Variants in SHANK1 observed in about 807,000 individuals in gnomAD.
SHANK1 encodes the protein SH3 and multiple ankyrin repeat domains protein 1.
SHANK1 carries 35 observed loss-of-function variants against 165.6 expected under a neutral mutation model. The observed-to-expected ratio is 0.21, with a 90% confidence interval of 0.16 to 0.28. The LOEUF is 0.28. Among genes scored for constraint, SHANK1 ranks in the 10% least tolerant of loss-of-function variants. The pLI is 1.00. For missense variants in SHANK1, 2,681 were observed against 3,036.4 expected, an observed-to-expected ratio of 0.88 and a Z score of 2.75; for synonymous variants, 1,428 against 1,384.8, an observed-to-expected ratio of 1.03 and a Z score of -0.69.
At chr19:50,683,544 C>A (rs1986241141) in intron 21 of SHANK1, among the ~76,000 whole-genome samples, 1 of 152,166 alleles carries the variant, frequency 6.6e-6, no homozygotes, top group African/African-American at 2.4e-5. Context: ...ACATCACGGC[C>A]TTCTCGCACT....
intron 12 of SHANK1, among the ~76,000 whole-genome samples, chr19:50,700,330 C>G: frequency 7.4e-6 from 1 of 135,150 alleles, no homozygotes; most frequent in Non-Finnish European, 1.6e-5. Context: ...TTGAAGGGCT[C>G]GGGGCATTGG....
chr19:50,668,216 A>T lies in SHANK1; in HGVS notation c.3744T>A (p.Asn1248Lys). 6.7e-7 allele frequency: 1 copy of T among 1,497,310 alleles called. No individual in the cohort carries two copies. The highest frequency in any genetic ancestry group is 1.3e-5 in the South Asian group (1 of 77,512). The allele number at this position is 1,497,310 out of a possible 1,614,324, so 92.8% of individuals were successfully genotyped here. The change falls in exon 23 of 24, where the codon AAT becomes AAA. Residue 1248 changes from asparagine (N) to lysine (K), a missense_variant. Asn to Lys is a moderately conservative substitution (Grantham distance 94). Around this residue, in one of 10 missense-constraint regions of SHANK1, gnomAD observed 1,713 missense variants for 1,630.2 expected, o/e 1.05. Coordinates refer to ENST00000293441, the MANE Select transcript of SHANK1 (RefSeq NM_016148.5). ...ACAGCGTGGAGCGCCGGCGCGCCTC[A>T]TTCTGCCAGCCCCCCTCCCTCCGGG... is the stretch of plus-strand genomic sequence containing the variant. Reference protein sequence around the residue: ...GAARREGGWQNEARRRSTLFL... With the variant: ...GAARREGGWQKEARRRSTLFL...
chr19:50,675,973 G>A (rs879637108), intron 21 of SHANK1, among the ~76,000 whole-genome samples: 45 of 152,152 alleles, frequency 3.0e-4, no homozygotes, highest in African/African-American at 8.4e-4. Context: ...TCCAGCCTGG[G>A]TGACAGAGCA....
At chr19:50,698,296 T>G (rs947072462) in intron 12 of SHANK1, among the ~76,000 whole-genome samples, 2 of 152,176 alleles carry the variant, frequency 1.3e-5, no homozygotes, top group East Asian at 3.8e-4. Context: ...TCCTAGGCTC[T>G]GTGGACTTAG....
intron 18 of SHANK1, 103 bp from the exon 19 acceptor site, chr19:50,687,765 C>G (rs187329410): frequency 0.011 from 14,318 of 1,339,050 alleles, 84 homozygotes; most frequent in Non-Finnish European, 0.012. Flanking sequence ...CCATTGCCAG[C>G]GTGCGGAGCC....
In SHANK1 at chr19:50,711,496, G is replaced by T; in HGVS notation, c.961-9C>A. ...TGACCCCGCTGGCAGGCCTGGGCAG[G>T]ACAGGGAGCGAGGGGCATGGATCAG... On this transcript the variant is annotated splice_polypyrimidine_tract_variant and intron_variant, in intron 7 of 23. Transcript: ENST00000293441. The T allele has an allele frequency of 6.4e-7, 1 of 1,564,788 alleles. No homozygotes were observed. Among genetic ancestry groups the T allele is most frequent in the Non-Finnish European group, 8.7e-7 (1 of 1,153,720 alleles).
At chr19:50,710,937 T>A (rs1293815225) in intron 8 of SHANK1, 1 of 165,524 alleles carries the variant, frequency 6.0e-6, no homozygotes, top group Admixed American at 6.1e-5. Context: ...TCTTTTCTAC[T>A]CCTGCTCATC....
chr19:50,666,753 G>A lies in SHANK1; in HGVS notation c.5207C>T (p.Ala1736Val). ...DTYVAYLDGQ[A>V]FGGSSTPGPP... ...GCCGGGAGTACTGCTGCCCCCAAAG[G>A]CCTGGCCGTCCAGGTAGGCCACATA... is the stretch of plus-strand genomic sequence containing the variant. The change falls in exon 23 of 24, where the codon GCC (alanine) becomes GTC (valine). Residue 1736 changes from alanine to valine, a missense_variant. Around this residue, in one of 10 missense-constraint regions of SHANK1, gnomAD observed 1,713 missense variants for 1,630.2 expected, o/e 1.05. Coordinates refer to ENST00000293441, the MANE Select transcript of SHANK1 (RefSeq NM_016148.5). 1 of 1,559,958 alleles carries A rather than the reference G, an allele frequency of 6.4e-7. No individual in the cohort carries two copies. Among genetic ancestry groups the A allele is most frequent in the Non-Finnish European group, 8.7e-7 (1 of 1,153,492 alleles).
chr19:50,714,325 G>T, intron 4 of SHANK1, 35 bp from the exon 5 acceptor site: 1 of 1,589,278 alleles, frequency 6.3e-7, no homozygotes, highest in Non-Finnish European at 8.6e-7. Flanking sequence ...AGACAGGACA[G>T]TCAGGAGCAA....
Position 50,670,889 on chromosome 19 carries a change from G to A in SHANK1, c.2674+1129C>T, listed in dbSNP as rs1359652559. Among the ~76,000 whole-genome samples the A allele has an allele frequency of 6.6e-6, 1 of 151,880 alleles. No individual in the cohort carries two copies. The highest frequency in any genetic ancestry group is 1.5e-5 in the Non-Finnish European group (1 of 67,966). On this transcript the variant is annotated intron_variant, in intron 22 of 23. Transcript: ENST00000293441. This position sits in a 1 kb window ranked among gnomAD's most constrained non-coding sequence, Gnocchi z 4.1. Reference sequence around the variant, plus strand: ...GCTCACTGCAACCTCTGCCTCTCGGGTTCAAGCTATTCTCCTGCCTCAGCC... The same window carrying A: ...GCTCACTGCAACCTCTGCCTCTCGGATTCAAGCTATTCTCCTGCCTCAGCC...
intron 9 of SHANK1, 35 bp from the exon 10 acceptor site, chr19:50,704,221 G>T: frequency 1.2e-6 from 2 of 1,604,068 alleles, no homozygotes; most frequent in Non-Finnish European, 1.7e-6. Context: ...TCGGCCAGGG[G>T]GGCCCAGGCA....
chr19:50,712,272 C>T (rs957970806), intron 6 of SHANK1, among the ~76,000 whole-genome samples, 158 bp from the exon 7 acceptor site: 5 of 152,248 alleles, frequency 3.3e-5, no homozygotes, highest in Non-Finnish European at 1.5e-5. Flanking sequence ...AACCTTGAGC[C>T]TGGCCCTTTC....
In SHANK1 at chr19:50,688,139, C is replaced by A; in HGVS notation, c.2173-81G>T. ...AGCTTCAGAGACCCCAAGGAGGATG[C>A]CTCCTGCGCTGCCCTGTCCATGGCC... On this transcript the variant is annotated intron_variant, in intron 17 of 23. Transcript: ENST00000293441. This position sits in a 1 kb window ranked among gnomAD's most constrained non-coding sequence, Gnocchi z 6.7. The A allele has an allele frequency of 6.5e-7, 1 of 1,538,242 alleles. No homozygotes were observed. The highest frequency in any genetic ancestry group is 8.9e-7 in the Non-Finnish European group (1 of 1,124,730).
intron 11 of SHANK1, 49 bp downstream of exon 11, chr19:50,703,451 G>C: frequency 2.0e-6 from 3 of 1,470,128 alleles, no homozygotes; most frequent in Non-Finnish European, 2.7e-6. Context: ...GATCTGGAGA[G>C]GGGATTTGAC....
At chr19:50,715,495 A>G (rs1450737090) in intron 4 of SHANK1, among the ~76,000 whole-genome samples, 164 bp downstream of exon 4, 1 of 151,642 alleles carries the variant, frequency 6.6e-6, no homozygotes, top group African/African-American at 2.4e-5. Flanking sequence ...GGTTGTCTCA[A>G]ATGTGGTACA....
At chr19:50,694,020 CA>C (rs1317066920) in intron 15 of SHANK1, among the ~76,000 whole-genome samples, 8 of 7,788 alleles carry the variant, frequency 1.0e-3, no homozygotes, top group South Asian at 5.9e-3. Flanking sequence ...CAGCACACAC[CA>C]CACACACACA....
Position 50,666,965 on chromosome 19 carries a change from CG to C in SHANK1, c.4994del (p.Pro1665ArgfsTer33). 6.3e-7 allele frequency: 1 copy of C among 1,588,700 alleles called. No individual in the cohort carries two copies. On this transcript the variant is annotated frameshift_variant, in exon 23 of 24. Coordinates refer to ENST00000293441, the MANE Select transcript of SHANK1 (RefSeq NM_016148.5). LOFTEE classifies it high-confidence loss of function. ...CAGAATCCGTGCCAGGCGGAGGGTC[CG>C]GGCCAGGCTGTGGGGCAGCGGGAGC... ...APAPAAPQPG[P>X]DPPPGTDSGI...
Position 50,667,727 on chromosome 19 carries a change from G to C in SHANK1, c.4233C>G (p.Ser1411=), listed in dbSNP as rs1377685491. Reference sequence around the variant, plus strand: ...GCTCCCGGCGCGCAGGGTCCGGCGGGGAGGCCCCCCAGAGACGCAGCACTG... The same window carrying C: ...GCTCCCGGCGCGCAGGGTCCGGCGGCGAGGCCCCCCAGAGACGCAGCACTG... ...HEPVLRLWGA[S]PPDPARRELG... is the part of the protein sequence containing the mutation. Residue 1411 remains serine, a synonymous_variant, in exon 23 of 24, where the codon TCC becomes TCG. Transcript: ENST00000293441. This position sits in a 1 kb window ranked among gnomAD's most constrained non-coding sequence, Gnocchi z 5.7. The C allele has an allele frequency of 2.2e-6, 3 of 1,336,182 alleles. No individual in the cohort carries two copies. Among genetic ancestry groups the C allele is most frequent in the Non-Finnish European group, 2.9e-6 (3 of 1,049,388 alleles). 82.8% of individuals were successfully genotyped at this position (1,336,182 alleles called of 1,614,324 possible).
At position 50,686,998 on chromosome 19, in the gene SHANK1, C is replaced by G. The variant is rs778153590; in HGVS notation, c.2390-186G>C. Reference sequence around the variant, plus strand: ...GGTCGGGAGACGGGGGCCCTCCCGCCAGTCCTGTGCCCACTCACCACTCTT... The same window carrying G: ...GGTCGGGAGACGGGGGCCCTCCCGCGAGTCCTGTGCCCACTCACCACTCTT... On this transcript the variant is annotated intron_variant, in intron 19 of 23. Transcript: ENST00000293441. This position sits in a 1 kb window ranked among gnomAD's most constrained non-coding sequence, Gnocchi z 5.7. The G allele has an allele frequency of 6.8e-7, 1 of 1,462,168 alleles. No individual in the cohort carries two copies. The highest frequency in any genetic ancestry group is 9.0e-7 in the Non-Finnish European group (1 of 1,111,364). 90.6% of individuals were successfully genotyped at this position (1,462,168 alleles called of 1,614,324 possible).
Sources: allele counts gnomAD v4.1 joint callset (sites outside exome capture counted in the v4.1 genomes callset), GRCh38; gene constraint gnomAD v4.1.1; regional missense constraint gnomAD v4.1.1; non-coding constraint Gnocchi (gnomAD v3.1); transcripts MANE v1.5; gene names NCBI Gene and HGNC (gene_info 2026-07-23, HGNC 2026-07-21).